GCNT2: variants seen among roughly 807,000 people sequenced by gnomAD.
GCNT2 encodes the protein N-acetyllactosaminide beta-1,6-N-acetylglucosaminyl-transferase.
Under a neutral mutation model 34.2 loss-of-function variants are expected in GCNT2, and 34 were observed. The ratio of observed to expected loss-of-function variants is 1.00; its 90% CI spans 0.76 to 1.32. The LOEUF (loss-of-function observed/expected upper bound fraction) is 1.32, where lower values mean the gene tolerates loss of function less well. Among genes scored for constraint, GCNT2 ranks in the 40% most tolerant of loss-of-function variants. The pLI is 0.00. For synonymous variants in GCNT2, 212 were observed against 188.0 expected, an observed-to-expected ratio of 1.13 and a Z score of -1.04; for missense variants, 584 against 489.4, an observed-to-expected ratio of 1.19 and a Z score of -1.82.
chr6:10,533,920 T>C (rs1761631028), intron 3 of GCNT2, among the ~76,000 whole-genome samples: 1 of 151,758 alleles, frequency 6.6e-6, no homozygotes, highest in South Asian at 2.1e-4. Flanking sequence ...CGCATCCTCA[T>C]TGCTGGTGCA....
intron 3 of GCNT2, among the ~76,000 whole-genome samples, chr6:10,563,775 AAAATATATATAT>A (rs1162800155): frequency 3.2e-3 from 98 of 30,450 alleles, no homozygotes; most frequent in African/African-American, 8.3e-3. Context: ...AAAAAAAAAA[AAAATATATATAT>A]ATATATATAT....
At chr6:10,581,084 A>C (rs1013379287) in intron 3 of GCNT2, among the ~76,000 whole-genome samples, 2 of 152,162 alleles carry the variant, frequency 1.3e-5, no homozygotes, top group Admixed American at 6.6e-5. Context: ...CTGGAAGGAA[A>C]TGCCTGTTCA....
chr6:10,562,282 C>G (rs1376061727), intron 3 of GCNT2, among the ~76,000 whole-genome samples: 1 of 152,136 alleles, frequency 6.6e-6, no homozygotes, highest in Non-Finnish European at 1.5e-5. Context: ...TTCCATCAGG[C>G]AAATTCTCCC....
intron 1 of GCNT2, among the ~76,000 whole-genome samples, chr6:10,522,033 A>G (rs967641194): frequency 1.3e-5 from 2 of 151,656 alleles, no homozygotes; most frequent in Non-Finnish European, 2.9e-5. Flanking sequence ...GACTACAGGC[A>G]TGCACAACCA....
intron 3 of GCNT2, among the ~76,000 whole-genome samples, chr6:10,603,731 T>C (rs910975598): frequency 1.2e-4 from 18 of 151,520 alleles, no homozygotes; most frequent in African/African-American, 4.4e-4. Flanking sequence ...GCCAGGCTGG[T>C]CTTGAACTCC....
chr6:10,526,545 A>G (rs543043374), intron 1 of GCNT2, among the ~76,000 whole-genome samples: 1 of 152,322 alleles, frequency 6.6e-6, no homozygotes, highest in East Asian at 1.9e-4. Context: ...TGCAGAATGC[A>G]GGATTTAAGC....
Position 10,551,276 on chromosome 6 carries a change from C to T in GCNT2, c.925+21440C>T, listed in dbSNP as rs1762465993. On this transcript the variant is annotated intron_variant, in intron 3 of 4. Transcript: ENST00000495262. ...CATCCAGGAAGTGTTTCCATCATAA[C>T]TTTGCTGCATCAAAATCAGGTGCAG... Among the ~76,000 whole-genome samples, 4 of 151,994 alleles carry T rather than the reference C, an allele frequency of 2.6e-5. 1 individual carries two copies. In the South Asian group the frequency reaches 8.3e-4, roughly 32 times the overall value.
intron 3 of GCNT2, among the ~76,000 whole-genome samples, chr6:10,604,490 G>A (rs1216044584): frequency 6.6e-6 from 1 of 152,154 alleles, no homozygotes; most frequent in African/African-American, 2.4e-5. Flanking sequence ...GAAAGTTGCT[G>A]TATTTGGTGA....
intron 3 of GCNT2, among the ~76,000 whole-genome samples, chr6:10,615,363 A>C (rs937632843): frequency 6.6e-6 from 1 of 152,142 alleles, no homozygotes; most frequent in Non-Finnish European, 1.5e-5. Context: ...TACCCAGGCT[A>C]AAGTGCAGTG....
At position 10,604,139 on chromosome 6, in the gene GCNT2, C is replaced by T. The variant is rs193055734; in HGVS notation, c.926-17212C>T. Reference sequence around the variant, plus strand: ...CTCGATCTCCTGACCTCATGTGATCCGCCCGCTTCGGCCTCCCAAAGTGCT... The same window carrying T: ...CTCGATCTCCTGACCTCATGTGATCTGCCCGCTTCGGCCTCCCAAAGTGCT... On this transcript the variant is annotated intron_variant, in intron 3 of 4. Transcript: ENST00000495262. Among the ~76,000 whole-genome samples the T allele has an allele frequency of 5.3e-3, 812 of 152,160 alleles. 6 individuals carry two copies. The highest frequency in any genetic ancestry group is 7.3e-3 in the Non-Finnish European group (495 of 68,020).
intron 3 of GCNT2, among the ~76,000 whole-genome samples, chr6:10,576,920 C>T (rs1180425754): frequency 4.6e-5 from 7 of 151,304 alleles, no homozygotes; most frequent in East Asian, 1.9e-4. Context: ...AAAATAATAA[C>T]AATAATAATA....
chr6:10,529,264 A>G lies in GCNT2; in HGVS notation c.353A>G (p.Tyr118Cys). The G allele has an allele frequency of 6.2e-7, 1 of 1,614,168 alleles. No homozygotes were observed. The highest frequency in any genetic ancestry group is 8.5e-7 in the Non-Finnish European group (1 of 1,180,014). Residue 118 changes from tyrosine to cysteine, a missense_variant, in exon 3 of 5, where the codon TAT becomes TGT. Coordinates refer to ENST00000495262, the MANE Select transcript of GCNT2 (RefSeq NM_145649.5). ...GTFERLFRAI[Y>C]MPQNVYCVHL... ...TTTGAGAGGCTCTTCAGGGCGATTT[A>G]TATGCCCCAAAATGTCTACTGTGTG...
intron 3 of GCNT2, among the ~76,000 whole-genome samples, chr6:10,589,754 T>C (rs942855641): frequency 6.6e-6 from 1 of 152,290 alleles, no homozygotes; most frequent in African/African-American, 2.4e-5. Flanking sequence ...TTATAGGTAA[T>C]AAAACTGATT....
intron 3 of GCNT2, among the ~76,000 whole-genome samples, chr6:10,605,876 G>T (rs1765288164): frequency 6.6e-6 from 1 of 152,094 alleles, no homozygotes; most frequent in Admixed American, 6.5e-5. Context: ...ATCAAGGCCA[G>T]CTCCACTAGG....
In GCNT2 at chr6:10,524,322, C is replaced by T. The variant is rs376558057; in HGVS notation, c.-469+2905C>T. ...CTGGAGTGCGATGGCACGATCTCGG[C>T]TCACCGCAACCTTCGCCTCCCGGGG... On this transcript the variant is annotated intron_variant, in intron 1 of 4. Coordinates refer to ENST00000495262, the MANE Select transcript of GCNT2 (RefSeq NM_145649.5). 4.0e-4 allele frequency among the ~76,000 whole-genome samples: 60 copies of T among 150,580 alleles called. No individual in the cohort carries two copies. The South Asian group carries it at 0.012, about 31-fold the overall frequency.
At chr6:10,565,437 C>G (rs1171204283) in intron 3 of GCNT2, among the ~76,000 whole-genome samples, 1 of 152,176 alleles carries the variant, frequency 6.6e-6, no homozygotes, top group East Asian at 1.9e-4. Context: ...CTTCATGGTC[C>G]AGGACACAAC....
rs574442857 is a variant in GCNT2 at position 10,554,480 on chromosome 6, A to G, written c.925+24644A>G. Among the ~76,000 whole-genome samples the G allele has an allele frequency of 1.6e-3, 244 of 152,354 alleles. 2 individuals carry two copies. Among genetic ancestry groups the G allele is most frequent in the African/African-American group, 5.2e-3 (216 of 41,584 alleles). ...AATCCAAACCCCCATGTTATTGGCC[A>G]GTTGGAAACAATAATGTAAACAGAC... On this transcript the variant is annotated intron_variant, in intron 3 of 4. Coordinates refer to ENST00000495262, the MANE Select transcript of GCNT2 (RefSeq NM_145649.5).
chr6:10,605,208 A>ATTTTTTTTTTT (rs869167781), intron 3 of GCNT2, among the ~76,000 whole-genome samples: 4 of 94,208 alleles, frequency 4.2e-5, no homozygotes, highest in African/African-American at 1.3e-4. Flanking sequence ...TCATGTAGGA[A>ATTTTTTTTTTT]TTTTTTTTTT....
chr6:10,525,720 A>T (rs1170715516), intron 1 of GCNT2, among the ~76,000 whole-genome samples: 1 of 152,200 alleles, frequency 6.6e-6, no homozygotes, highest in Non-Finnish European at 1.5e-5. Flanking sequence ...AAATCAAGGG[A>T]CCGTCTTAGC....
Sources: allele counts gnomAD v4.1 joint callset (sites outside exome capture counted in the v4.1 genomes callset), GRCh38; gene constraint gnomAD v4.1.1; transcripts MANE v1.5; gene names NCBI Gene and HGNC (gene_info 2026-07-23, HGNC 2026-07-21).